XIRP2: variants seen among roughly 807,000 people sequenced by gnomAD.
XIRP2 encodes the protein xin actin-binding repeat-containing protein 2.
Under a neutral mutation model 277.0 loss-of-function variants are expected in XIRP2, and 236 were observed. The observed-to-expected ratio is 0.85, with a 90% CI of 0.77 to 0.95. The LOEUF (loss-of-function observed/expected upper bound fraction) is 0.95. XIRP2 is among the 40% of genes least tolerant of loss of function. The probability of loss-of-function intolerance (pLI) is 0.00; values close to 1 mark genes in which losing one functional copy is unlikely to be tolerated. For synonymous variants in XIRP2, 1,490 were observed against 1,416.5 expected, an observed-to-expected ratio of 1.05 and a Z score of -1.17; for missense variants, 4,640 against 4,157.5, an observed-to-expected ratio of 1.12 and a Z score of -3.19.
chr2:167,007,358 C>A lies in XIRP2; in HGVS notation c.408+103468C>A, dbSNP rs1256809790. 2.0e-5 allele frequency among the ~76,000 whole-genome samples: 3 copies of A among 151,476 alleles called. No homozygotes were observed. The Admixed American group carries it at 2.0e-4, about 10-fold the overall frequency. On this transcript the variant is annotated intron_variant, in intron 2 of 10. Coordinates refer to ENST00000409195, the MANE Select transcript of XIRP2 (RefSeq NM_152381.6). ...ATTTTTTAAATCACTAAAAATTATT[C>A]TTTGTATATAACAAAATGTTAGAGC...
rs531584383 is a variant in XIRP2 at position 167,249,735 on chromosome 2, A to C, written c.8343A>C (p.Thr2781=). The C allele has an allele frequency of 1.2e-6, 2 of 1,613,404 alleles. No homozygotes were observed. Among genetic ancestry groups the C allele is most frequent in the Non-Finnish European group, 1.7e-6 (2 of 1,179,750 alleles). ...YQLPKKEKRV[T]VQLPTESIQK... ...TACCTAAGAAGGAGAAAAGAGTGAC[A>C]GTACAATTGCCTACAGAATCCATAC... Residue 2781 remains threonine, a synonymous_variant, in exon 9 of 11, where the codon ACA becomes ACC. Transcript: ENST00000409195.
At chr2:167,130,759 T>C (rs1377817744) in intron 2 of XIRP2, among the ~76,000 whole-genome samples, 1 of 152,132 alleles carries the variant, frequency 6.6e-6, no homozygotes, top group Non-Finnish European at 1.5e-5. Context: ...ACCTGGTCTC[T>C]CCCTGCCCTA....
chr2:167,240,593 A>G, intron 6 of XIRP2, 71 bp from the exon 7 acceptor site: 1 of 1,279,154 alleles, frequency 7.8e-7, no homozygotes, highest in East Asian at 2.3e-5. Context: ...TAAAATGAAG[A>G]GTATTATTTG....
chr2:167,044,357 T>C (rs1283184372), intron 2 of XIRP2, among the ~76,000 whole-genome samples: 5 of 151,928 alleles, frequency 3.3e-5, no homozygotes, highest in Non-Finnish European at 5.9e-5. Context: ...CCTTGAGAAG[T>C]GGGGCAAAAC....
intron 3 of XIRP2, among the ~76,000 whole-genome samples, chr2:167,171,273 A>T (rs2390515): frequency 0.099 from 15,011 of 152,028 alleles, 792 homozygotes; most frequent in South Asian, 0.15. Flanking sequence ...TCTACAATTT[A>T]AACATGTTTT....
intron 2 of XIRP2, among the ~76,000 whole-genome samples, chr2:167,067,350 A>G (rs1323170537): frequency 6.6e-6 from 1 of 151,964 alleles, no homozygotes; most frequent in Non-Finnish European, 1.5e-5. Context: ...TTTTCATGTC[A>G]TATGTTGTAG....
chr2:166,903,342 G>A (rs1412565930), intron 1 of XIRP2, 123 bp from the exon 2 acceptor site: 6 of 911,378 alleles, frequency 6.6e-6, no homozygotes, highest in Non-Finnish European at 9.7e-6. Context: ...GAATTGTATA[G>A]GAAAGCTGGA....
chr2:166,959,528 G>T (rs1686249092), intron 2 of XIRP2, among the ~76,000 whole-genome samples: 1 of 151,784 alleles, frequency 6.6e-6, no homozygotes, highest in South Asian at 2.1e-4. Context: ...CCTCATTCTG[G>T]ATGGGAAACC....
intron 2 of XIRP2, among the ~76,000 whole-genome samples, chr2:166,943,150 C>CT (rs1685763816): frequency 1.3e-5 from 2 of 151,946 alleles, no homozygotes; most frequent in Non-Finnish European, 2.9e-5. Context: ...CTTTAGGATT[C>CT]ATGTAAGAAA....
At chr2:167,101,907 G>T (rs1690498116) in intron 2 of XIRP2, among the ~76,000 whole-genome samples, 1 of 152,208 alleles carries the variant, frequency 6.6e-6, no homozygotes, top group South Asian at 2.1e-4. Flanking sequence ...ATCCAAGAAT[G>T]ATTTATTAAG....
chr2:167,162,966 A>G (rs541146554), intron 3 of XIRP2, among the ~76,000 whole-genome samples: 1 of 152,284 alleles, frequency 6.6e-6, no homozygotes, highest in South Asian at 2.1e-4. Flanking sequence ...ATATTTTTGC[A>G]ATTCATCCAT....
chr2:167,193,273 C>T (rs545100510), intron 3 of XIRP2, among the ~76,000 whole-genome samples: 26 of 152,126 alleles, frequency 1.7e-4, no homozygotes, highest in Non-Finnish European at 2.9e-4. Flanking sequence ...CAATTTGCAC[C>T]TCTTTCATTT....
At chr2:167,203,828 T>C (rs73970891) in intron 3 of XIRP2, among the ~76,000 whole-genome samples, 14,989 of 152,242 alleles carry the variant, frequency 0.098, 1,679 homozygotes, top group African/African-American at 0.28. Flanking sequence ...AATTTATTCA[T>C]GCTAATGGCT....
intron 3 of XIRP2, among the ~76,000 whole-genome samples, chr2:167,160,970 A>C (rs1262075057): frequency 6.6e-6 from 1 of 152,196 alleles, no homozygotes; most frequent in African/African-American, 2.4e-5. Context: ...CACCATTCCA[A>C]ATAAGAGAAA....
chr2:166,948,032 A>G (rs1236946580), intron 2 of XIRP2, among the ~76,000 whole-genome samples: 6 of 152,134 alleles, frequency 3.9e-5, no homozygotes, highest in Non-Finnish European at 8.8e-5. Context: ...GAGATAGTAA[A>G]GAGATCAGCG....
chr2:167,109,720 A>G (rs1035016215), intron 2 of XIRP2, among the ~76,000 whole-genome samples: 2 of 152,150 alleles, frequency 1.3e-5, no homozygotes, highest in Non-Finnish European at 2.9e-5. Flanking sequence ...CTTTGGGTAT[A>G]TACCTAATAA....
Position 167,246,235 on chromosome 2 carries a change from A to T in XIRP2, c.4843A>T (p.Lys1615Ter). The T allele has an allele frequency of 6.2e-7, 1 of 1,613,416 alleles. No homozygotes were observed. The highest frequency in any genetic ancestry group is 1.1e-5 in the South Asian group (1 of 90,980). The stretch of plus-strand genomic sequence containing the variant: ...AAATATAATGGTGAACCTACTTTCC[A>T]AAAGGGACTGTACTGAAAGAGAGAT... ...LRNIMVNLLS[K>*]RDCTEREILI... is the part of the protein sequence containing the mutation. Residue 1615 changes from lysine (K) to a stop codon, truncating the protein, a stop_gained, in exon 9 of 11, where the codon AAA (lysine) becomes TAA (stop). Coordinates refer to ENST00000409195, the MANE Select transcript of XIRP2 (RefSeq NM_152381.6). LOFTEE classifies it high-confidence loss of function.
At chr2:167,094,662 T>A (rs1176537998) in intron 2 of XIRP2, among the ~76,000 whole-genome samples, 1 of 152,178 alleles carries the variant, frequency 6.6e-6, no homozygotes, top group African/African-American at 2.4e-5. Context: ...CTCTGTTCTG[T>A]TCCATTGGTC....
rs142370548 is a variant in XIRP2, at chr2:167,132,800, G to A, written c.409-3109G>A. Among the ~76,000 whole-genome samples, 167 of 152,218 alleles carry A rather than the reference G, an allele frequency of 1.1e-3. 1 individual carries two copies. The highest frequency in any genetic ancestry group is 3.1e-3 in the African/African-American group (127 of 41,546). ...ATTCTTCAAATATCAGCTGAAGGTC[G>A]TTTCCCTGGGAGAGCCCTATACAGG... On this transcript the variant is annotated intron_variant, in intron 2 of 10. Coordinates refer to ENST00000409195, the MANE Select transcript of XIRP2 (RefSeq NM_152381.6).
Sources: gnomAD v4.1 joint callset for allele counts (sites outside exome capture counted in the v4.1 genomes callset) on GRCh38, gnomAD v4.1.1 for gene constraint, MANE v1.5 for transcripts, NCBI Gene and HGNC (gene_info 2026-07-23, HGNC 2026-07-21) for gene names.